CIMIP6: variants seen among roughly 807,000 people sequenced by gnomAD.
CIMIP6 encodes ciliary microtubule inner protein 6, also known as uncharacterized protein C2orf73.
the CIMIP6 span, among the ~76,000 whole-genome samples, chr2:54,374,969 T>A: frequency 6.6e-6 from 1 of 152,188 alleles, no homozygotes; most frequent in Non-Finnish European, 1.5e-5. Context: ...GCTTCACACA[T>A]AATAGAATAT....
the CIMIP6 span, among the ~76,000 whole-genome samples, chr2:54,336,928 T>A: frequency 3.3e-5 from 5 of 152,204 alleles, no homozygotes; most frequent in Non-Finnish European, 7.3e-5. Flanking sequence ...TGCACAGTGA[T>A]GGGGACTTAT....
At chr2:54,341,887 T>A in the CIMIP6 span, among the ~76,000 whole-genome samples, 1 of 152,138 alleles carries the variant, frequency 6.6e-6, no homozygotes, top group Non-Finnish European at 1.5e-5. Context: ...CTGACAACAG[T>A]AAGATGTGAC....
the CIMIP6 span, among the ~76,000 whole-genome samples, chr2:54,347,939 A>G: frequency 6.6e-6 from 1 of 152,036 alleles, no homozygotes; most frequent in African/African-American, 2.4e-5. Flanking sequence ...CTACTTATCC[A>G]TCTGTTTTCC....
chr2:54,344,583 C>A, the CIMIP6 span, among the ~76,000 whole-genome samples: 1 of 152,102 alleles, frequency 6.6e-6, no homozygotes, highest in African/African-American at 2.4e-5. Context: ...AGAGTTACTT[C>A]AAAGCCTGTC....
the CIMIP6 span, among the ~76,000 whole-genome samples, chr2:54,362,629 T>C: frequency 6.6e-6 from 1 of 152,112 alleles, no homozygotes; most frequent in Non-Finnish European, 1.5e-5. Flanking sequence ...CTCACTGCAA[T>C]CTCCACCTCC....
the CIMIP6 span, among the ~76,000 whole-genome samples, chr2:54,358,593 C>A: frequency 6.6e-6 from 1 of 151,978 alleles, no homozygotes; most frequent in East Asian, 1.9e-4. Flanking sequence ...GGGGTTTCAC[C>A]ATGTTCCCCA....
the CIMIP6 span, among the ~76,000 whole-genome samples, chr2:54,372,561 A>G: frequency 6.6e-6 from 1 of 152,196 alleles, no homozygotes; most frequent in Non-Finnish European, 1.5e-5. Context: ...AGGTCATAAA[A>G]GTCCACCATG....
chr2:54,354,139 T>A, the CIMIP6 span, among the ~76,000 whole-genome samples: 1 of 152,140 alleles, frequency 6.6e-6, no homozygotes, highest in Admixed American at 6.6e-5. Flanking sequence ...AGGACCTCCT[T>A]AATTTTATGT....
the CIMIP6 span, among the ~76,000 whole-genome samples, chr2:54,342,169 C>G: frequency 6.6e-6 from 1 of 152,148 alleles, no homozygotes; most frequent in Non-Finnish European, 1.5e-5. Context: ...TATAAAGTGA[C>G]AAAGTGAAGT....
chr2:54,360,078 G>T, the CIMIP6 span: 2 of 1,218,290 alleles, frequency 1.6e-6, no homozygotes, highest in East Asian at 5.4e-5. Context: ...TGACACCAAT[G>T]AAGAGGCAGA....
the CIMIP6 span, among the ~76,000 whole-genome samples, chr2:54,355,570 C>G: frequency 6.6e-6 from 1 of 151,978 alleles, no homozygotes; most frequent in African/African-American, 2.4e-5. Flanking sequence ...CTTCCCTTCC[C>G]TCTATTTCTT....
the CIMIP6 span, among the ~76,000 whole-genome samples, chr2:54,334,064 TA>T: frequency 6.6e-6 from 1 of 152,202 alleles, no homozygotes; most frequent in African/African-American, 2.4e-5. Flanking sequence ...GCTTTGATTT[TA>T]AAAGCTTCTA....
the CIMIP6 span, among the ~76,000 whole-genome samples, chr2:54,372,282 C>G: frequency 6.6e-6 from 1 of 152,268 alleles, no homozygotes. Flanking sequence ...CAGGAAATGT[C>G]AGTGTTCATA....
the CIMIP6 span, among the ~76,000 whole-genome samples, chr2:54,358,141 T>A: frequency 1.3e-5 from 2 of 152,192 alleles, no homozygotes; most frequent in Middle Eastern, 6.3e-3. Context: ...TTCATACTCT[T>A]GCAAATTTTT....
At chr2:54,333,764 G>T in the CIMIP6 span, among the ~76,000 whole-genome samples, 1 of 151,962 alleles carries the variant, frequency 6.6e-6, no homozygotes, top group Non-Finnish European at 1.5e-5. Context: ...GTGGTGGTGC[G>T]CGCCTGTAAC....
the CIMIP6 span, among the ~76,000 whole-genome samples, chr2:54,363,888 T>G: frequency 1.2e-3 from 190 of 152,332 alleles, no homozygotes; most frequent in African/African-American, 4.5e-3. Context: ...CAAATGTCAC[T>G]GAGGATTGAC....
the CIMIP6 span, among the ~76,000 whole-genome samples, chr2:54,363,990 A>G: frequency 5.3e-5 from 8 of 152,228 alleles, no homozygotes; most frequent in East Asian, 1.2e-3. Context: ...TTGGTTCTCA[A>G]TCTTTTCAAA....
the CIMIP6 span, among the ~76,000 whole-genome samples, chr2:54,379,767 G>A: frequency 6.6e-6 from 1 of 151,722 alleles, no homozygotes; most frequent in African/African-American, 2.4e-5. Flanking sequence ...CCTGAGGTCA[G>A]GAGTTTGAGA....
At chr2:54,365,424 G>T in the CIMIP6 span, among the ~76,000 whole-genome samples, 1 of 152,112 alleles carries the variant, frequency 6.6e-6, no homozygotes, top group Admixed American at 6.6e-5. Context: ...CAAGAGGAAA[G>T]AACAAAAACT....
Sources: gnomAD v4.1 joint callset for allele counts (sites outside exome capture counted in the v4.1 genomes callset) on GRCh38, gnomAD v4.1.1 for gene constraint, MANE v1.5 for transcripts, NCBI Gene and HGNC (gene_info 2026-07-23, HGNC 2026-07-21) for gene names.